RBFOX1: variants seen among roughly 807,000 people sequenced by gnomAD.
The protein encoded by RBFOX1 is RNA binding fox-1 homolog 1, also known as RNA binding protein fox-1 homolog 1.
Under a neutral mutation model 57.7 loss-of-function variants are expected in RBFOX1, and 8 were observed. The ratio of observed to expected loss-of-function variants is 0.14; its 90% CI spans 0.08 to 0.25. The LOEUF is 0.25. RBFOX1 is among the 10% of genes least tolerant of loss of function. The pLI, the probability that RBFOX1 is intolerant of heterozygous loss-of-function variation, is 1.00. For missense variants in RBFOX1, 611 were observed against 548.5 expected (o/e 1.11, Z -1.14); for synonymous variants, 326 against 222.4 (o/e 1.47, Z -4.15).
At chr16:6,477,423 C>T (rs1251059323) in intron 2 of RBFOX1, among the ~76,000 whole-genome samples, 2 of 152,168 alleles carry the variant, frequency 1.3e-5, no homozygotes, top group South Asian at 4.1e-4. Flanking sequence ...TTGTGCTTCT[C>T]CATCAGAGCT....
At chr16:7,110,591 C>T (rs946022267) in intron 4 of RBFOX1, among the ~76,000 whole-genome samples, 4 of 151,960 alleles carry the variant, frequency 2.6e-5, no homozygotes, top group South Asian at 4.2e-4. Flanking sequence ...TCTCTGGGCA[C>T]GAAGATTAGT....
intron 4 of RBFOX1, among the ~76,000 whole-genome samples, chr16:7,375,313 G>A (rs2097665109): frequency 6.6e-6 from 1 of 152,070 alleles, no homozygotes; most frequent in Non-Finnish European, 1.5e-5. Context: ...TAGTCTCAAG[G>A]TAATACAAGT....
intron 5 of RBFOX1, among the ~76,000 whole-genome samples, chr16:7,537,702 C>T (rs183551572): frequency 2.6e-5 from 4 of 152,168 alleles, no homozygotes; most frequent in Admixed American, 2.6e-4. Context: ...TCATCCAGGC[C>T]CTTATGCTTG....
chr16:7,475,533 C>G (rs2062481956), intron 4 of RBFOX1, among the ~76,000 whole-genome samples: 1 of 152,108 alleles, frequency 6.6e-6, no homozygotes, highest in African/African-American at 2.4e-5. Context: ...GCATGATAGT[C>G]TTGATCTCCT....
At chr16:5,296,009 A>C (rs1338866862) in intron 1 of RBFOX1, among the ~76,000 whole-genome samples, 1 of 152,216 alleles carries the variant, frequency 6.6e-6, no homozygotes, top group Admixed American at 6.5e-5. Flanking sequence ...ACCATTGTTA[A>C]TATCATCAGG....
At chr16:7,684,167 C>A (rs1281218564) in intron 14 of RBFOX1, among the ~76,000 whole-genome samples, 1 of 152,028 alleles carries the variant, frequency 6.6e-6, no homozygotes, top group African/African-American at 2.4e-5. Context: ...AATTTATTTC[C>A]ACTTTTGTGT....
rs58761346 is a variant in RBFOX1 at position 7,306,580 on chromosome 16, CGT to C, written c.28-211544_28-211543del. Among the ~76,000 whole-genome samples, 1,399 of 149,014 alleles carry C rather than the reference CGT, an allele frequency of 9.4e-3. 7 individuals are homozygous for C. The highest frequency in any genetic ancestry group is 0.02 in the African/African-American group (829 of 40,654). On this transcript the variant is annotated intron_variant, in intron 4 of 15. Transcript: ENST00000550418. ...TATGACATAATGTGGGAATGGTGTG[CGT>C]GTGTGTGTGTGTGTGTGTGTGTATT...
At chr16:6,281,429 G>A (rs935426974) in intron 1 of RBFOX1, among the ~76,000 whole-genome samples, 2 of 152,090 alleles carry the variant, frequency 1.3e-5, no homozygotes, top group African/African-American at 2.4e-5. Context: ...GTAATACCAC[G>A]TTTTGCTGGT....
At chr16:6,753,485 C>T (rs2075293789) in intron 3 of RBFOX1, among the ~76,000 whole-genome samples, 1 of 152,130 alleles carries the variant, frequency 6.6e-6, no homozygotes, top group Admixed American at 6.5e-5. Context: ...TGCTATAACC[C>T]AGTGTCCCCC....
intron 2 of RBFOX1, among the ~76,000 whole-genome samples, chr16:5,494,706 G>C (rs994373108): frequency 6.6e-6 from 1 of 152,184 alleles, no homozygotes; most frequent in African/African-American, 2.4e-5. Flanking sequence ...CTGAAGACTA[G>C]AAACAGATTA....
At chr16:6,992,157 A>G (rs2091578142) in intron 3 of RBFOX1, among the ~76,000 whole-genome samples, 1 of 145,122 alleles carries the variant, frequency 6.9e-6, no homozygotes. Flanking sequence ...CCAAGCTCAT[A>G]GAGAAGCAAT....
rs534208589 is a variant in RBFOX1 at position 7,261,318 on chromosome 16, T to C, written c.27+209220T>C. Among the ~76,000 whole-genome samples, 7 of 152,306 alleles carry C rather than the reference T, an allele frequency of 4.6e-5. No individual in the cohort carries two copies. In the East Asian group the frequency reaches 5.8e-4, roughly 13 times the overall value. On this transcript the variant is annotated intron_variant, in intron 4 of 15. Transcript: ENST00000550418. ...ATGAATGGCAGGTTCTCAATAAAAG[T>C]TGGCTTGTGGTTATATCATTATCAT... is the stretch of plus-strand genomic sequence containing the variant.
At chr16:6,062,217 G>C (rs1345452922) in intron 1 of RBFOX1, among the ~76,000 whole-genome samples, 1 of 152,066 alleles carries the variant, frequency 6.6e-6, no homozygotes, top group Non-Finnish European at 1.5e-5. Context: ...TGTCCTTTCA[G>C]GTTTTTATGG....
At chr16:7,002,600 C>T (rs907775676) in intron 3 of RBFOX1, among the ~76,000 whole-genome samples, 2 of 151,970 alleles carry the variant, frequency 1.3e-5, no homozygotes, top group African/African-American at 4.8e-5. Flanking sequence ...TCATCCCAGC[C>T]ACTCGGGAGG....
intron 3 of RBFOX1, among the ~76,000 whole-genome samples, chr16:6,841,673 C>G (rs1419915191): frequency 6.6e-6 from 1 of 152,040 alleles, no homozygotes; most frequent in Non-Finnish European, 1.5e-5. Flanking sequence ...AGTGCTTTAG[C>G]CCTCTGTGGA....
intron 6 of RBFOX1, among the ~76,000 whole-genome samples, chr16:7,581,583 A>C (rs2152848433): frequency 6.6e-6 from 1 of 152,268 alleles, no homozygotes; most frequent in African/African-American, 2.4e-5. Context: ...AGGTATTCAA[A>C]ATATTCACAG....
intron 4 of RBFOX1, among the ~76,000 whole-genome samples, chr16:5,868,451 C>T (rs2057393013): frequency 1.3e-5 from 2 of 152,308 alleles, no homozygotes; most frequent in Admixed American, 6.5e-5. Context: ...GTTATATCTC[C>T]CTTTGATCCA....
chr16:5,946,564 A>C lies in RBFOX1; in HGVS notation c.351+79229A>C, dbSNP rs773026357. On this transcript the variant is annotated intron_variant, in intron 4 of 19. Transcript: ENST00000641259. The surrounding 1 kb of genome is among the most constrained non-coding windows in gnomAD (Gnocchi z 4.6). The stretch of plus-strand genomic sequence containing the variant: ...CTCACTCTATGCATATTTTTTTCCA[A>C]CTGGGTGTTCCTGAGTTATATCCTT... Among the ~76,000 whole-genome samples, 4 of 151,990 alleles carry C rather than the reference A, an allele frequency of 2.6e-5. No individual in the cohort carries two copies. In the East Asian group the frequency reaches 7.7e-4, roughly 29 times the overall value.
intron 3 of RBFOX1, among the ~76,000 whole-genome samples, chr16:6,693,850 C>A (rs2060630475): frequency 6.6e-6 from 1 of 152,340 alleles, no homozygotes; most frequent in East Asian, 1.9e-4. Context: ...CATCCTTATT[C>A]AGCAATTCTT....
Sources: allele counts gnomAD v4.1 joint callset (sites outside exome capture counted in the v4.1 genomes callset), GRCh38; gene constraint gnomAD v4.1.1; non-coding constraint Gnocchi (gnomAD v3.1); transcripts MANE v1.5; gene names NCBI Gene and HGNC (gene_info 2026-07-23, HGNC 2026-07-21).